Variants in OSBPL5 observed in about 807,000 individuals in gnomAD.
OSBPL5 encodes oxysterol binding protein like 5.
Under a neutral mutation model 111.2 loss-of-function variants are expected in OSBPL5, and 71 were observed. The observed-to-expected ratio is 0.64, with a 90% CI of 0.53 to 0.78. OSBPL5 has a LOEUF of 0.78. Ranked by LOEUF, OSBPL5 falls within the 30% of genes least tolerant of loss-of-function variation. The pLI, the probability that OSBPL5 is intolerant of heterozygous loss-of-function variation, is 0.00. For missense variants in OSBPL5, 1,210 were observed against 1,189.3 expected, an observed-to-expected ratio of 1.02 and a Z score of -0.26; for synonymous variants, 549 against 513.9, an observed-to-expected ratio of 1.07 and a Z score of -0.93.
chr11:3,108,857 C>T (rs1857805636), intron 7 of OSBPL5, among the ~76,000 whole-genome samples: 1 of 152,220 alleles, frequency 6.6e-6, no homozygotes, highest in Non-Finnish European at 1.5e-5. Flanking sequence ...CAACCTCTGC[C>T]TCCCGGGTTC....
At chr11:3,158,652 G>A (rs1564870654) in intron 1 of OSBPL5, among the ~76,000 whole-genome samples, 1 of 152,276 alleles carries the variant, frequency 6.6e-6, no homozygotes, top group Non-Finnish European at 1.5e-5. Context: ...TGACACATGA[G>A]GCCTCTTCTG....
chr11:3,122,163 C>T lies in OSBPL5; in HGVS notation c.301-65G>A, dbSNP rs969248892. ...ACCGAGCTGCCCCAGCTCCTCCCAC[C>T]GTCCAGCCCAGGGATGGGTCCAGGG... On this transcript the variant is annotated intron_variant, in intron 4 of 21. Coordinates refer to ENST00000263650, the MANE Select transcript of OSBPL5 (RefSeq NM_020896.4). 1.1e-4 allele frequency: 168 copies of T among 1,486,920 alleles called. 1 individual carries two copies. Among genetic ancestry groups the T allele is most frequent in the Admixed American group, 1.0e-3 (53 of 50,956 alleles). The allele number at this position is 1,486,920 out of a possible 1,614,324, so 92.1% of individuals were successfully genotyped here.
rs3741351 is a variant in OSBPL5 at position 3,107,685 on chromosome 11, T to C, written c.866+86A>G. 0.44 allele frequency: 675,978 copies of C among 1,527,756 alleles called. 157,992 individuals carry two copies. The highest frequency in any genetic ancestry group is 0.76 in the African/African-American group (56,090 of 73,470). 94.6% of individuals were successfully genotyped at this position (1,527,756 alleles called of 1,614,324 possible). A position where few individuals can be genotyped will look rare whatever the true frequency, so the allele number is the denominator to read the frequency against. ...TGCAGCCTGCAGCCCACCAGAGCAG[T>C]GGCTGGGGCTGTCCTCTCCCCTCTT... On this transcript the variant is annotated intron_variant, in intron 8 of 21. Transcript: ENST00000263650. This position sits in a 1 kb window ranked among gnomAD's most constrained non-coding sequence, Gnocchi z 6.1.
At chr11:3,124,061 C>T (rs535740768) in intron 3 of OSBPL5, among the ~76,000 whole-genome samples, 41 of 152,302 alleles carry the variant, frequency 2.7e-4, no homozygotes, top group African/African-American at 7.9e-4. Context: ...GTGAGCGCTG[C>T]GGTTCTGCGT....
In OSBPL5 at chr11:3,106,760, A is replaced by G. The variant is rs1422232544; in HGVS notation, c.1059+503T>C. On this transcript the variant is annotated intron_variant, in intron 9 of 21. Coordinates refer to ENST00000263650, the MANE Select transcript of OSBPL5 (RefSeq NM_020896.4). The surrounding 1 kb of genome is among the most constrained non-coding windows in gnomAD (Gnocchi z 8.4). ...AGCCTCCTCTTGTGTTTGTGGGTTTATCATCTATGTTTCCTGCTGCCCATA... is the reference window on the plus strand; with the variant it reads ...AGCCTCCTCTTGTGTTTGTGGGTTTGTCATCTATGTTTCCTGCTGCCCATA... Among the ~76,000 whole-genome samples, 1 of 151,846 alleles carries G rather than the reference A, an allele frequency of 6.6e-6. No homozygotes were observed. Among genetic ancestry groups the G allele is most frequent in the Non-Finnish European group, 1.5e-5 (1 of 67,958 alleles).
In OSBPL5 at chr11:3,103,325, C is replaced by T. The variant is rs914018972; in HGVS notation, c.1245-5G>A. The T allele has an allele frequency of 1.0e-5, 16 of 1,602,476 alleles. No individual in the cohort carries two copies. Among genetic ancestry groups the T allele is most frequent in the Non-Finnish European group, 1.3e-5 (15 of 1,174,150 alleles). ...GCATCCTCCTCCACCGCAGCCCTGC[C>T]ATGGGGCAGGAGAACGCTGACCCCA... On this transcript the variant is annotated splice_polypyrimidine_tract_variant and splice_region_variant and intron_variant, in intron 10 of 21. Transcript: ENST00000263650.
intron 1 of OSBPL5, among the ~76,000 whole-genome samples, chr11:3,131,546 T>TCCATCCAC (rs1858836931): frequency 7.5e-6 from 1 of 134,202 alleles, no homozygotes; most frequent in African/African-American, 2.9e-5. Flanking sequence ...CATCCATCCA[T>TCCATCCAC]CCACCCACCC....
intron 1 of OSBPL5, among the ~76,000 whole-genome samples, chr11:3,131,742 GCATC>G (rs1401343369): frequency 5.5e-5 from 1 of 18,028 alleles, no homozygotes; most frequent in Non-Finnish European, 1.1e-4. Flanking sequence ...ATCCTCCCAG[GCATC>G]CATCCATCCA....
Position 3,140,256 on chromosome 11 carries a change from G to C in OSBPL5, c.-21-11087C>G, listed in dbSNP as rs540485742. On this transcript the variant is annotated intron_variant, in intron 1 of 21. Transcript: ENST00000263650. The surrounding 1 kb of genome is among the most constrained non-coding windows in gnomAD (Gnocchi z 4.5). ...AGGCTGCTGAGTTCAGCTCTGGAAG[G>C]GGCAGCCCACAGCAATGCTCTCTGT... Among the ~76,000 whole-genome samples the C allele has an allele frequency of 3.3e-5, 5 of 152,298 alleles. No individual in the cohort carries two copies. In the South Asian group the frequency reaches 1.0e-3, roughly 32 times the overall value.
At chr11:3,149,201 G>GC (rs1846476919) in intron 1 of OSBPL5, among the ~76,000 whole-genome samples, 1 of 152,038 alleles carries the variant, frequency 6.6e-6, no homozygotes, top group Non-Finnish European at 1.5e-5. Context: ...ACTGTCCAGG[G>GC]CCCCCCGAGC....
At chr11:3,133,987 G>A (rs1013128470) in intron 1 of OSBPL5, among the ~76,000 whole-genome samples, 1 of 152,068 alleles carries the variant, frequency 6.6e-6, no homozygotes, top group Admixed American at 6.5e-5. Context: ...CTTGGTGGGG[G>A]GGGGGTCACT....
At chr11:3,158,995 C>T (rs1453572008) in intron 1 of OSBPL5, among the ~76,000 whole-genome samples, 1 of 152,106 alleles carries the variant, frequency 6.6e-6, no homozygotes, top group Non-Finnish European at 1.5e-5. Context: ...GATGGAGAAA[C>T]TGAAGCCCAG....
At chr11:3,155,915 C>G (rs1441882597) in intron 1 of OSBPL5, among the ~76,000 whole-genome samples, 1 of 152,276 alleles carries the variant, frequency 6.6e-6, no homozygotes, top group African/African-American at 2.4e-5. Context: ...GGACCCCACC[C>G]TTCCCAGGCC....
At chr11:3,143,464 G>A (rs1377547181) in intron 1 of OSBPL5, among the ~76,000 whole-genome samples, 1 of 152,208 alleles carries the variant, frequency 6.6e-6, no homozygotes, top group Non-Finnish European at 1.5e-5. Flanking sequence ...CATCCACATG[G>A]GTGAACGGAT....
chr11:3,164,623 C>T (rs550489409), intron 1 of OSBPL5, among the ~76,000 whole-genome samples: 1 of 152,302 alleles, frequency 6.6e-6, no homozygotes, highest in Non-Finnish European at 1.5e-5. Context: ...GGGTCAGTGC[C>T]CCAGAGATGG....
In OSBPL5 at chr11:3,105,993, C is replaced by T. The variant is rs893940676; in HGVS notation, c.1059+1270G>A. Among the ~76,000 whole-genome samples the T allele has an allele frequency of 1.3e-5, 2 of 152,176 alleles. No individual in the cohort carries two copies. Among genetic ancestry groups the T allele is most frequent in the South Asian group, 2.1e-4 (1 of 4,828 alleles). ...CCCTACGGGTGGCCCAGTGTCCACC[C>T]CCGCCCCTCGGCTGTCCCGAGGCCC... On this transcript the variant is annotated intron_variant, in intron 9 of 21. Transcript: ENST00000263650. The surrounding 1 kb of genome is among the most constrained non-coding windows in gnomAD (Gnocchi z 5.2).
Position 3,142,915 on chromosome 11 carries a change from G to A in OSBPL5, c.-21-13746C>T, listed in dbSNP as rs923084195. Among the ~76,000 whole-genome samples, 1 of 151,168 alleles carries A rather than the reference G, an allele frequency of 6.6e-6. No individual in the cohort carries two copies. Among genetic ancestry groups the A allele is most frequent in the Non-Finnish European group, 1.5e-5 (1 of 67,834 alleles). On this transcript the variant is annotated intron_variant, in intron 1 of 21. Transcript: ENST00000263650. The surrounding 1 kb of genome is among the most constrained non-coding windows in gnomAD (Gnocchi z 7.1). ...ACCCAGGACAGCGGACGGCACACGG[G>A]GTGGGGGTGTGTGAGCAGAGACCCT...
chr11:3,157,194 G>A (rs79240960), intron 1 of OSBPL5, among the ~76,000 whole-genome samples: 4,683 of 152,340 alleles, frequency 0.031, 154 homozygotes, highest in African/African-American at 0.074. Context: ...CGGCCCACGA[G>A]GGAGGAAAGC....
chr11:3,091,849 G>C (rs1343542556), intron 19 of OSBPL5, among the ~76,000 whole-genome samples: 3 of 152,172 alleles, frequency 2.0e-5, no homozygotes, highest in African/African-American at 7.2e-5. Flanking sequence ...CCTGTCCGCT[G>C]CGGGTGAGCA....
Sources: allele counts gnomAD v4.1 joint callset (sites outside exome capture counted in the v4.1 genomes callset), GRCh38; gene constraint gnomAD v4.1.1; non-coding constraint Gnocchi (gnomAD v3.1); transcripts MANE v1.5; gene names NCBI Gene and HGNC (gene_info 2026-07-23, HGNC 2026-07-21).